Variants in RFC1 observed in about 807,000 individuals in gnomAD.
The protein encoded by RFC1 is replication factor C subunit 1.
A neutral mutation model predicts 137.4 loss-of-function variants in RFC1; 37 were observed. The observed-to-expected ratio is 0.27, with a 90% CI of 0.21 to 0.35. The LOEUF (loss-of-function observed/expected upper bound fraction) is 0.35. Ranked by LOEUF, RFC1 falls within the 10% of genes least tolerant of loss-of-function variation. The pLI is 1.00. For synonymous variants in RFC1, 429 were observed against 455.7 expected (o/e 0.94, Z 0.75); for missense variants, 1,205 against 1,358.5 (o/e 0.89, Z 1.78).
At chr4:39,356,676 C>T (rs1361398943) in intron 1 of RFC1, among the ~76,000 whole-genome samples, 2 of 152,132 alleles carry the variant, frequency 1.3e-5, no homozygotes, top group Non-Finnish European at 1.5e-5. Flanking sequence ...TTTTCTGTTA[C>T]TCTCATATTA....
chr4:39,307,671 G>A (rs912432091), intron 13 of RFC1, among the ~76,000 whole-genome samples: 6 of 151,626 alleles, frequency 4.0e-5, no homozygotes, highest in South Asian at 2.1e-4. Context: ...AGCCAAGATC[G>A]CACCACTGCA....
At chr4:39,332,096 A>T (rs770473690) in intron 4 of RFC1, among the ~76,000 whole-genome samples, 10 of 152,202 alleles carry the variant, frequency 6.6e-5, no homozygotes, top group Non-Finnish European at 1.3e-4. Flanking sequence ...ACCTTCCACC[A>T]TGATTGTGAG....
At chr4:39,297,712 T>G (rs2109593861) in intron 21 of RFC1, 1 of 152,518 alleles carries the variant, frequency 6.6e-6, no homozygotes, top group African/African-American at 2.4e-5. Flanking sequence ...AAGCGAGCAC[T>G]TCACTTTCTT....
In RFC1 at chr4:39,291,862, C is replaced by T; in HGVS notation, c.2955-10G>A. On this transcript the variant is annotated splice_polypyrimidine_tract_variant and intron_variant, in intron 22 of 24. Transcript: ENST00000349703. The stretch of plus-strand genomic sequence containing the variant: ...TTTGCTGGAGTAAGTTCTGAAACCA[C>T]AACAAAAGAGACATAGTCAACAGCA... 6.2e-7 allele frequency: 1 copy of T among 1,605,726 alleles called. No individual in the cohort carries two copies. The highest frequency in any genetic ancestry group is 2.2e-5 in the East Asian group (1 of 44,820).
chr4:39,337,698 C>T (rs535183293), intron 4 of RFC1, among the ~76,000 whole-genome samples: 1 of 152,174 alleles, frequency 6.6e-6, no homozygotes, highest in African/African-American at 2.4e-5. Flanking sequence ...AGAATATATA[C>T]CTATTTGTCT....
chr4:39,357,590 T>C (rs1032218898), intron 1 of RFC1, among the ~76,000 whole-genome samples: 6 of 152,098 alleles, frequency 3.9e-5, no homozygotes, highest in African/African-American at 1.4e-4. Flanking sequence ...ACTCCGATTA[T>C]GGTTTTTATT....
At chr4:39,356,742 CTCT>C (rs1316371325) in intron 1 of RFC1, among the ~76,000 whole-genome samples, 12 of 152,112 alleles carry the variant, frequency 7.9e-5, no homozygotes, top group African/African-American at 1.7e-4. Flanking sequence ...AGGACATTTC[CTCT>C]TCTTTAAAAT....
chr4:39,341,392 G>A, intron 4 of RFC1: 1 of 348,662 alleles, frequency 2.9e-6, no homozygotes, highest in South Asian at 2.2e-5. Flanking sequence ...TTTAGCAACA[G>A]CACAAAAAGG....
intron 1 of RFC1, among the ~76,000 whole-genome samples, chr4:39,364,575 C>G (rs994937258): frequency 1.3e-5 from 2 of 152,174 alleles, no homozygotes; most frequent in African/African-American, 4.8e-5. Flanking sequence ...GTTGACCACA[C>G]AAGCTATGTT....
At chr4:39,309,435 T>C (rs905020799) in intron 12 of RFC1, among the ~76,000 whole-genome samples, 3 of 152,130 alleles carry the variant, frequency 2.0e-5, no homozygotes, top group African/African-American at 7.2e-5. Flanking sequence ...CAAATGTCCA[T>C]CAACTGAAAA....
intron 13 of RFC1, among the ~76,000 whole-genome samples, chr4:39,306,986 G>A (rs1324015144): frequency 6.6e-6 from 1 of 152,058 alleles, no homozygotes; most frequent in Non-Finnish European, 1.5e-5. Flanking sequence ...GAACGCACAG[G>A]CCATGGAGCA....
In RFC1 at chr4:39,288,555, G is replaced by A; in HGVS notation, c.*206C>T. 1 of 475,596 alleles carries A rather than the reference G, an allele frequency of 2.1e-6. No individual in the cohort carries two copies. Among genetic ancestry groups the A allele is most frequent in the Non-Finnish European group, 3.7e-6 (1 of 266,848 alleles). The allele number at this position is 475,596 out of a possible 1,614,324, so 29.5% of individuals were successfully genotyped here. ...TGACAGAGGACAGTGGAGGACCCAA[G>A]CAGTCCTATCAACCTCTATAAGAGG... On this transcript the variant is annotated 3_prime_UTR_variant, in exon 25 of 25. Transcript: ENST00000349703.
In RFC1 at chr4:39,327,764, G is replaced by T. The variant is rs775684528; in HGVS notation, c.332-8C>A. 2 of 1,553,758 alleles carry T rather than the reference G, an allele frequency of 1.3e-6. No homozygotes were observed. The highest frequency in any genetic ancestry group is 1.7e-6 in the Non-Finnish European group (2 of 1,148,364). On this transcript the variant is annotated splice_region_variant and splice_polypyrimidine_tract_variant and intron_variant, in intron 4 of 24. Transcript: ENST00000349703. ...TAAAGTCATCTTCTTCATCTTAAAT[G>T]AAATGTAACCAAATATTTTTTATAA...
chr4:39,348,434 G>GAAAAGAAAAGAAAAGAA (rs1740989039), intron 2 of RFC1, among the ~76,000 whole-genome samples: 3 of 86,846 alleles, frequency 3.5e-5, no homozygotes, highest in African/African-American at 1.3e-4. Flanking sequence ...AAAAAGAAAA[G>GAAAAGAAAAGAAAAGAA]AAAAGAAAAG....
chr4:39,323,122 T>C, intron 7 of RFC1: 1 of 345,248 alleles, frequency 2.9e-6, no homozygotes, highest in Non-Finnish European at 5.2e-6. Flanking sequence ...ATATAATTCT[T>C]TGTTTTGTGA....
chr4:39,324,839 G>A (rs1400410487), intron 6 of RFC1, among the ~76,000 whole-genome samples: 2 of 152,212 alleles, frequency 1.3e-5, no homozygotes, highest in Non-Finnish European at 2.9e-5. Flanking sequence ...TATCGGAGGG[G>A]TTTCTAATAT....
intron 1 of RFC1, among the ~76,000 whole-genome samples, chr4:39,355,098 T>TACACAC (rs59438877): frequency 0.056 from 4,977 of 88,920 alleles, 237 homozygotes; most frequent in Non-Finnish European, 0.068. Flanking sequence ...AAAAAAAAAA[T>TACACAC]ACACACACAC....
At chr4:39,289,329 GA>G (rs1217789130) in intron 24 of RFC1, among the ~76,000 whole-genome samples, 2 of 152,184 alleles carry the variant, frequency 1.3e-5, no homozygotes, top group African/African-American at 2.4e-5. Context: ...CCTGCATACA[GA>G]AAACAGAAAT....
intron 13 of RFC1, chr4:39,307,548 C>T (rs1738741237): frequency 6.5e-6 from 1 of 153,016 alleles, no homozygotes. Flanking sequence ...AATCCCATCT[C>T]TACTAAAACT....
Sources: gnomAD v4.1 joint callset for allele counts (sites outside exome capture counted in the v4.1 genomes callset) on GRCh38, gnomAD v4.1.1 for gene constraint, MANE v1.5 for transcripts, NCBI Gene and HGNC (gene_info 2026-07-23, HGNC 2026-07-21) for gene names.